The following FAM174A variants were observed in gnomAD, a reference collection of about 807,000 sequenced individuals.
The protein encoded by FAM174A is family with sequence similarity 174 member A, also known as membrane protein FAM174A.
In FAM174A, 14 loss-of-function variants were observed where a neutral mutation model predicts 14.3. The observed-to-expected ratio is 0.98, with a 90% CI of 0.65 to 1.53. FAM174A has a LOEUF of 1.53. Ranked by LOEUF, FAM174A falls within the 40% of genes most tolerant of loss-of-function variation. FAM174A has a pLI of 0.00. For missense variants in FAM174A, 241 were observed against 249.6 expected (o/e 0.97, Z 0.23); for synonymous variants, 108 against 111.4 (o/e 0.97, Z 0.19).
chr5:100,567,410 A>T (rs942468143), intron 2 of FAM174A, among the ~76,000 whole-genome samples: 2 of 151,856 alleles, frequency 1.3e-5, no homozygotes, highest in Non-Finnish European at 2.9e-5. Context: ...TTTGACTGCC[A>T]GTGGGGAAAA....
Position 100,535,487 on chromosome 5 carries a change from C to G in FAM174A, c.-44C>G, listed in dbSNP as rs775147953. Reference sequence around the variant, plus strand: ...ATGGTCCCTCTTGGAGCCAGCGTGGCGGGCCTGGCGGCTCCCGGGTGGTGA... The same window carrying G: ...ATGGTCCCTCTTGGAGCCAGCGTGGGGGGCCTGGCGGCTCCCGGGTGGTGA... On this transcript the variant is annotated 5_prime_UTR_variant, in exon 1 of 3. Transcript: ENST00000312637. 1 of 1,598,218 alleles carries G rather than the reference C, an allele frequency of 6.3e-7. No homozygotes were observed. The highest frequency in any genetic ancestry group is 2.2e-5 in the East Asian group (1 of 44,826).
At position 100,535,539 on chromosome 5, in the gene FAM174A, C is replaced by G; in HGVS notation, c.9C>G (p.Ala3=). The G allele has an allele frequency of 6.2e-7, 1 of 1,612,908 alleles. No individual in the cohort carries two copies. Among genetic ancestry groups the G allele is most frequent in the Non-Finnish European group, 8.5e-7 (1 of 1,179,878 alleles). MK[A]SQCCCCLSHL... ...AGAGCGGTCCGGGAACGATGAAGGCCTCGCAGTGCTGCTGCTGTCTCAGCC... is the reference window on the plus strand; with the variant it reads ...AGAGCGGTCCGGGAACGATGAAGGCGTCGCAGTGCTGCTGCTGTCTCAGCC... Residue 3 remains alanine (A), a synonymous_variant, in exon 1 of 3, where the codon GCC becomes GCG. Coordinates refer to ENST00000312637, the MANE Select transcript of FAM174A (RefSeq NM_198507.3).
intron 2 of FAM174A, among the ~76,000 whole-genome samples, chr5:100,573,426 T>G (rs1309870712): frequency 1.3e-5 from 2 of 152,104 alleles, no homozygotes; most frequent in Non-Finnish European, 2.9e-5. Flanking sequence ...AATTGATTTT[T>G]GTATAAGGTG....
chr5:100,552,713 C>T (rs1430448327), intron 1 of FAM174A, among the ~76,000 whole-genome samples: 1 of 152,026 alleles, frequency 6.6e-6, no homozygotes, highest in African/African-American at 2.4e-5. Context: ...GATACTCTAA[C>T]TTATATACAT....
intron 1 of FAM174A, among the ~76,000 whole-genome samples, chr5:100,545,372 T>C (rs560760696): frequency 6.6e-6 from 1 of 152,286 alleles, no homozygotes; most frequent in South Asian, 2.1e-4. Context: ...TTCCTTGGCG[T>C]TTTTGGATAG....
At chr5:100,560,208 G>T (rs189087506) in intron 1 of FAM174A, among the ~76,000 whole-genome samples, 1 of 152,218 alleles carries the variant, frequency 6.6e-6, no homozygotes, top group South Asian at 2.1e-4. Context: ...TTTGCTGGAG[G>T]TCCACTCCAG....
intron 2 of FAM174A, among the ~76,000 whole-genome samples, chr5:100,579,302 A>G (rs781584446): frequency 9.9e-5 from 15 of 152,254 alleles, no homozygotes; most frequent in South Asian, 2.1e-4. Flanking sequence ...TTCACTTCAA[A>G]TTGATCCAAG....
At chr5:100,546,878 C>T (rs1746174523) in intron 1 of FAM174A, among the ~76,000 whole-genome samples, 3 of 152,092 alleles carry the variant, frequency 2.0e-5, no homozygotes, top group Admixed American at 2.0e-4. Flanking sequence ...TATCCTATAG[C>T]TTCTGGCTTC....
intron 1 of FAM174A, among the ~76,000 whole-genome samples, chr5:100,541,586 G>A (rs1252839371): frequency 6.6e-6 from 1 of 151,960 alleles, no homozygotes; most frequent in African/African-American, 2.4e-5. Context: ...CCATTAGTGG[G>A]GAAAGAGCAA....
chr5:100,535,380 C>T lies in FAM174A; in HGVS notation c.-151C>T, dbSNP rs1325533168. On this transcript the variant is annotated 5_prime_UTR_variant, in exon 1 of 3. Coordinates refer to ENST00000312637, the MANE Select transcript of FAM174A (RefSeq NM_198507.3). Reference sequence around the variant, plus strand: ...AACTTCCGGTTCTCCGGGCAGCTGCCACTGCTGTAGCTTCTGCCACCTGCC... The same window carrying T: ...AACTTCCGGTTCTCCGGGCAGCTGCTACTGCTGTAGCTTCTGCCACCTGCC... 7 of 779,298 alleles carry T rather than the reference C, an allele frequency of 9.0e-6. No homozygotes were observed. The highest frequency in any genetic ancestry group is 1.2e-5 in the Non-Finnish European group (6 of 482,662). 48.3% of individuals were successfully genotyped at this position (779,298 alleles called of 1,614,324 possible).
At chr5:100,542,192 G>A (rs990143593) in intron 1 of FAM174A, among the ~76,000 whole-genome samples, 1 of 152,120 alleles carries the variant, frequency 6.6e-6, no homozygotes, top group Non-Finnish European at 1.5e-5. Context: ...TTCCTTAATG[G>A]CCACCTCTAA....
chr5:100,546,791 A>G (rs1260296416), intron 1 of FAM174A, among the ~76,000 whole-genome samples: 1 of 152,154 alleles, frequency 6.6e-6, no homozygotes. Flanking sequence ...TAAACAGTCA[A>G]CGAAATGCAT....
chr5:100,586,174 CT>C lies in FAM174A; in HGVS notation c.570-5del. On this transcript the variant is annotated splice_polypyrimidine_tract_variant and splice_region_variant and intron_variant, in intron 2 of 2. Coordinates refer to ENST00000312637, the MANE Select transcript of FAM174A (RefSeq NM_198507.3). ...ATATTTATGGTATTTTTTTCTTTTT[CT>C]TGCAGATAAGAATGTGCCTTTTGAT... 7.3e-7 allele frequency: 1 copy of C among 1,375,116 alleles called. No homozygotes were observed. The highest frequency in any genetic ancestry group is 1.0e-6 in the Non-Finnish European group (1 of 993,976). 85.2% of individuals were successfully genotyped at this position (1,375,116 alleles called of 1,614,324 possible).
At position 100,536,172 on chromosome 5, in the gene FAM174A, T is replaced by C. The variant is rs1210220319; in HGVS notation, c.434+208T>C. On this transcript the variant is annotated intron_variant, in intron 1 of 2. Transcript: ENST00000312637. ...TTGCTGCCTTTTGTTTATAAATGAG[T>C]GCCCTACCTCCAAATCTCTTCATCT... Among the ~76,000 whole-genome samples, 5 of 152,198 alleles carry C rather than the reference T, an allele frequency of 3.3e-5. No individual in the cohort carries two copies. In the East Asian group the frequency reaches 9.6e-4, roughly 29 times the overall value.
rs1178069098 is a variant in FAM174A, at chr5:100,549,837, G to A, written c.435-12217G>A. Among the ~76,000 whole-genome samples the A allele has an allele frequency of 2.0e-5, 3 of 152,040 alleles. No individual in the cohort carries two copies. In the South Asian group the frequency reaches 6.2e-4, roughly 31 times the overall value. ...AATAATCTGCGAACTTCAACATGGA[G>A]TCATATACATTTTAATAGCTCCTGA... On this transcript the variant is annotated intron_variant, in intron 1 of 2. Coordinates refer to ENST00000312637, the MANE Select transcript of FAM174A (RefSeq NM_198507.3).
intron 1 of FAM174A, among the ~76,000 whole-genome samples, chr5:100,542,572 A>G (rs1428238906): frequency 6.6e-6 from 1 of 152,156 alleles, no homozygotes; most frequent in Non-Finnish European, 1.5e-5. Flanking sequence ...CTCTCTTTCA[A>G]TTTACCTTCA....
chr5:100,545,108 C>G (rs1746138009), intron 1 of FAM174A, among the ~76,000 whole-genome samples: 1 of 152,120 alleles, frequency 6.6e-6, no homozygotes, highest in African/African-American at 2.4e-5. Context: ...TCTCCAGTGC[C>G]CATTGTAGTA....
At chr5:100,567,871 T>C (rs1746696267) in intron 2 of FAM174A, among the ~76,000 whole-genome samples, 1 of 151,962 alleles carries the variant, frequency 6.6e-6, no homozygotes, top group Non-Finnish European at 1.5e-5. Context: ...TTTAAGGTTT[T>C]CCTTAATTTC....
chr5:100,547,752 G>T lies in FAM174A; in HGVS notation c.434+11788G>T, dbSNP rs186052960. Among the ~76,000 whole-genome samples, 12 of 152,138 alleles carry T rather than the reference G, an allele frequency of 7.9e-5. 1 individual carries two copies. In the East Asian group the frequency reaches 1.9e-3, roughly 24 times the overall value. On this transcript the variant is annotated intron_variant, in intron 1 of 2. Transcript: ENST00000312637. ...CAGTGTGGCTCAGAGAAACTAATAT[G>T]TTAAGTGTCCTTATCATTTAGGAGG...
Sources: allele counts gnomAD v4.1 joint callset (sites outside exome capture counted in the v4.1 genomes callset), GRCh38; gene constraint gnomAD v4.1.1; transcripts MANE v1.5; gene names NCBI Gene and HGNC (gene_info 2026-07-23, HGNC 2026-07-21).